Variants in SELENOT observed in about 807,000 individuals in gnomAD.
SELENOT encodes selenoprotein T, also known as thioredoxin reductase-like selenoprotein T.
SELENOT carries 9 observed loss-of-function variants against 24.3 expected under a neutral mutation model. That is an observed-to-expected ratio of 0.37 (90% CI 0.22 to 0.65). SELENOT has a LOEUF of 0.65. SELENOT is among the 30% of genes least tolerant of loss of function. SELENOT has a pLI of 0.60. For synonymous variants in SELENOT, 81 were observed against 86.0 expected (o/e 0.94, Z 0.32); for missense variants, 166 against 247.6 (o/e 0.67, Z 2.21).
intron 1 of SELENOT, among the ~76,000 whole-genome samples, chr3:150,613,963 A>G (rs1246819034): frequency 1.5e-5 from 2 of 134,978 alleles, no homozygotes; most frequent in Non-Finnish European, 3.5e-5. Context: ...GAGAAAGCAC[A>G]TGCAGGAGAA....
intron 1 of SELENOT, among the ~76,000 whole-genome samples, chr3:150,620,871 TG>T (rs1213337029): frequency 6.6e-6 from 1 of 152,224 alleles, no homozygotes; most frequent in African/African-American, 2.4e-5. Flanking sequence ...TATTTGCCTT[TG>T]CTTTTTTGGT....
chr3:150,615,884 A>G (rs1391348631), intron 1 of SELENOT, among the ~76,000 whole-genome samples: 3 of 151,040 alleles, frequency 2.0e-5, no homozygotes, highest in African/African-American at 7.3e-5. Flanking sequence ...AAGAGCCCGC[A>G]TCACCAAGTC....
At position 150,619,904 on chromosome 3, in the gene SELENOT, G is replaced by A. The variant is rs558879841; in HGVS notation, c.138-2481G>A. On this transcript the variant is annotated intron_variant, in intron 1 of 5. Transcript: ENST00000471696. ...TTCCTTGGTTTTCACAAGTCTGGAA[G>A]CAAATATAAGGAGGAATATGCATAA... 1.2e-3 allele frequency among the ~76,000 whole-genome samples: 189 copies of A among 152,296 alleles called. 1 individual carries two copies. Among genetic ancestry groups the A allele is most frequent in the African/African-American group, 4.4e-3 (182 of 41,548 alleles).
intron 1 of SELENOT, chr3:150,611,735 G>A (rs1726097417): frequency 1.3e-6 from 2 of 1,518,950 alleles, no homozygotes; most frequent in South Asian, 2.3e-5. Flanking sequence ...CCAGGAGCCC[G>A]GCCTGGCCGC....
At chr3:150,616,824 A>G (rs1217132637) in intron 1 of SELENOT, among the ~76,000 whole-genome samples, 1 of 152,336 alleles carries the variant, frequency 6.6e-6, no homozygotes, top group East Asian at 1.9e-4. Context: ...TATTTCTTGT[A>G]GAGACGAGGT....
intron 4 of SELENOT, among the ~76,000 whole-genome samples, chr3:150,626,180 A>C (rs1383580550): frequency 1.3e-5 from 2 of 152,098 alleles, no homozygotes; most frequent in Non-Finnish European, 2.9e-5. Flanking sequence ...CAGCCTAAAC[A>C]ATAACTTTTT....
intron 1 of SELENOT, among the ~76,000 whole-genome samples, chr3:150,620,034 C>G (rs942005866): frequency 6.6e-6 from 1 of 152,160 alleles, no homozygotes; most frequent in Non-Finnish European, 1.5e-5. Flanking sequence ...AGATTATTAG[C>G]TAAATTCTAT....
Position 150,630,295 on chromosome 3 carries a change from G to T in SELENOT, c.*2666G>T, listed in dbSNP as rs532490483. 21 of 152,176 alleles carry T rather than the reference G, an allele frequency of 1.4e-4. No individual in the cohort carries two copies. In the East Asian group the frequency reaches 2.9e-3, roughly 21 times the overall value. 9.4% of individuals were successfully genotyped at this position (152,176 alleles called of 1,614,324 possible). A position where few individuals can be genotyped will look rare whatever the true frequency, so the allele number is the denominator to read the frequency against. ...GAATTTAATTTAGATTTCAAAAATA[G>T]CTTACAGGATTTTAAACATGGTGTG... On this transcript the variant is annotated 3_prime_UTR_variant, in exon 6 of 6. Coordinates refer to ENST00000471696, the MANE Select transcript of SELENOT (RefSeq NM_016275.5).
In SELENOT at chr3:150,618,006, G is replaced by A. The variant is rs541559929; in HGVS notation, c.138-4379G>A. ...CAAGTAGCTGGGACTACAGGCACGC[G>A]CCACCATGCCCTGCTAATTTTTATA... On this transcript the variant is annotated intron_variant, in intron 1 of 5. Coordinates refer to ENST00000471696, the MANE Select transcript of SELENOT (RefSeq NM_016275.5). Among the ~76,000 whole-genome samples the A allele has an allele frequency of 1.6e-3, 238 of 152,056 alleles. 3 individuals carry two copies. The highest frequency in any genetic ancestry group is 5.5e-3 in the African/African-American group (226 of 41,460).
rs768757294 is a variant in SELENOT, at chr3:150,603,392, G to A, written c.30G>A (p.Ala10=). The change falls in exon 1 of 6, where the codon GCG becomes GCA. Residue 10 remains alanine (A), a synonymous_variant. Transcript: ENST00000471696. The stretch of plus-strand genomic sequence containing the variant: ...GGCTTCTGCTGCTTCTCCTAGTGGC[G>A]GCGTCTGCGATGGTCCGGAGCGAGG... MRLLLLLLV[A]ASAMVRSEAS... The A allele has an allele frequency of 7.4e-6, 12 of 1,612,882 alleles. No homozygotes were observed. In the African/African-American group the frequency reaches 9.3e-5, roughly 13 times the overall value.
At chr3:150,611,611 T>TA in intron 1 of SELENOT, 1 of 1,495,248 alleles carries the variant, frequency 6.7e-7, no homozygotes, top group East Asian at 2.3e-5. Context: ...CCTGCGCTCT[T>TA]ATCCAGCTCG....
chr3:150,626,979 T>C, intron 4 of SELENOT, 31 bp from the exon 5 acceptor site: 1 of 1,601,758 alleles, frequency 6.2e-7, no homozygotes, highest in Non-Finnish European at 8.5e-7. Flanking sequence ...ATCTTTAATT[T>C]TTTGGGGGGC....
chr3:150,626,582 G>A (rs1190433718), intron 4 of SELENOT, among the ~76,000 whole-genome samples: 2 of 151,948 alleles, frequency 1.3e-5, no homozygotes, highest in Non-Finnish European at 2.9e-5. Context: ...CCTCAGCTAT[G>A]CTGATTTTCT....
At chr3:150,613,601 T>C (rs568383875) in intron 1 of SELENOT, among the ~76,000 whole-genome samples, 2 of 151,298 alleles carry the variant, frequency 1.3e-5, no homozygotes, top group East Asian at 3.9e-4. Context: ...TTGTAAAATC[T>C]GATGCAGCAA....
At chr3:150,617,611 C>G (rs1415241852) in intron 1 of SELENOT, among the ~76,000 whole-genome samples, 1 of 152,090 alleles carries the variant, frequency 6.6e-6, no homozygotes, top group Non-Finnish European at 1.5e-5. Flanking sequence ...GGACCCTCCA[C>G]GTCTTAGAAG....
Position 150,627,103 on chromosome 3 carries a change from A to G in SELENOT, c.557A>G (p.His186Arg), listed in dbSNP as rs1197880776. 5 of 1,613,666 alleles carry G rather than the reference A, an allele frequency of 3.1e-6. No individual in the cohort carries two copies. The highest frequency in any genetic ancestry group is 2.7e-5 in the African/African-American group (2 of 74,934). Residue 186 changes from histidine to arginine, a missense_variant, in exon 5 of 6, where the codon CAT becomes CGT. Physicochemically the swap from His to Arg is conservative, Grantham distance 29. Transcript: ENST00000471696. ...GACAATGAAATGAAGCTCAATGTGC[A>G]TATGGATTCAATCCCACACCATCGA... Reference protein sequence around the residue: ...ILDNEMKLNVHMDSIPHHRS With the variant: ...ILDNEMKLNVRMDSIPHHRS
At chr3:150,625,939 G>A (rs1299383996) in intron 4 of SELENOT, among the ~76,000 whole-genome samples, 1 of 149,544 alleles carries the variant, frequency 6.7e-6, no homozygotes, top group Non-Finnish European at 1.5e-5. Context: ...GCGCGATCTC[G>A]ATTCACTGCA....
In SELENOT at chr3:150,628,775, A is replaced by G. The variant is rs1726495506; in HGVS notation, c.*1146A>G. 1 of 152,244 alleles carries G rather than the reference A, an allele frequency of 6.6e-6. No homozygotes were observed. Among genetic ancestry groups the G allele is most frequent in the Admixed American group, 6.5e-5 (1 of 15,282 alleles). 9.4% of individuals were successfully genotyped at this position (152,244 alleles called of 1,614,324 possible). ...AGAATAATTTAGCAGAAATAGAACC[A>G]GAATGTAGAAGAGTAGTCATGTAAC... is the stretch of plus-strand genomic sequence containing the variant. On this transcript the variant is annotated 3_prime_UTR_variant, in exon 6 of 6. Transcript: ENST00000471696.
chr3:150,628,973 T>C lies in SELENOT; in HGVS notation c.*1344T>C, dbSNP rs779737139. 1.3e-5 allele frequency: 2 copies of C among 152,190 alleles called. No homozygotes were observed. The highest frequency in any genetic ancestry group is 4.8e-5 in the African/African-American group (2 of 41,442). 9.4% of individuals were successfully genotyped at this position (152,190 alleles called of 1,614,324 possible). The stretch of plus-strand genomic sequence containing the variant: ...AAAGTTTGGAATATTTGCATTATAC[T>C]TACCAGTTGGGCATCCCAAATCTGA... On this transcript the variant is annotated 3_prime_UTR_variant, in exon 6 of 6. Coordinates refer to ENST00000471696, the MANE Select transcript of SELENOT (RefSeq NM_016275.5).
Sources: gnomAD v4.1 joint callset for allele counts (sites outside exome capture counted in the v4.1 genomes callset) on GRCh38, gnomAD v4.1.1 for gene constraint, MANE v1.5 for transcripts, NCBI Gene and HGNC (gene_info 2026-07-23, HGNC 2026-07-21) for gene names.